Variants in ALCAM observed in about 807,000 individuals in gnomAD.
The protein encoded by ALCAM is CD166 antigen.
ALCAM carries 30 observed loss-of-function variants against 70.9 expected under a neutral mutation model. The ratio of observed to expected loss-of-function variants is 0.42; its 90% CI spans 0.32 to 0.57. ALCAM has a LOEUF of 0.57. Among genes scored for constraint, ALCAM ranks in the 20% least tolerant of loss-of-function variants. The pLI is 0.11. For synonymous variants in ALCAM, 249 were observed against 242.5 expected, an observed-to-expected ratio of 1.03 and a Z score of -0.25; for missense variants, 591 against 695.1, an observed-to-expected ratio of 0.85 and a Z score of 1.68.
chr3:105,385,518 C>T (rs374082066), intron 1 of ALCAM, among the ~76,000 whole-genome samples: 36 of 151,738 alleles, frequency 2.4e-4, no homozygotes, highest in African/African-American at 8.7e-4. Flanking sequence ...TTCTTTACTG[C>T]TTTGCCATGA....
chr3:105,539,974 G>C lies in ALCAM; in HGVS notation c.731-1G>C. Reference sequence around the variant, plus strand: ...TTAACTTGTGTCTGTAACTCTTACAGATCCTACAGAGCAGGTGACAATACA... The same window carrying C: ...TTAACTTGTGTCTGTAACTCTTACACATCCTACAGAGCAGGTGACAATACA... On this transcript the variant is annotated splice_acceptor_variant, in intron 6 of 15. Transcript: ENST00000306107. LOFTEE classifies it high-confidence loss of function. 3.1e-6 allele frequency: 5 copies of C among 1,611,530 alleles called. No individual in the cohort carries two copies. Among genetic ancestry groups the C allele is most frequent in the Non-Finnish European group, 3.4e-6 (4 of 1,178,392 alleles).
chr3:105,511,934 A>G (rs947703142), intron 1 of ALCAM, among the ~76,000 whole-genome samples: 4 of 151,972 alleles, frequency 2.6e-5, no homozygotes, highest in East Asian at 1.9e-4. Flanking sequence ...CACTACCTCA[A>G]TTATAACACA....
At chr3:105,473,875 AGTTTT>A (rs1938018368) in intron 1 of ALCAM, among the ~76,000 whole-genome samples, 1 of 149,654 alleles carries the variant, frequency 6.7e-6, no homozygotes, top group African/African-American at 2.4e-5. Flanking sequence ...AGAGCCAGAC[AGTTTT>A]GTTTTGTTTT....
intron 1 of ALCAM, among the ~76,000 whole-genome samples, chr3:105,396,172 G>A (rs557769087): frequency 3.3e-5 from 5 of 152,080 alleles, no homozygotes; most frequent in South Asian, 2.1e-4. Context: ...AGTTATAACC[G>A]TGGTGCTGAA....
intron 1 of ALCAM, among the ~76,000 whole-genome samples, chr3:105,455,046 G>T (rs1937516576): frequency 6.6e-6 from 1 of 152,112 alleles, no homozygotes; most frequent in African/African-American, 2.4e-5. Flanking sequence ...ATTACTGGAA[G>T]AGGTTAAGGC....
intron 1 of ALCAM, among the ~76,000 whole-genome samples, chr3:105,472,170 C>T (rs1937953379): frequency 6.6e-6 from 1 of 151,252 alleles, no homozygotes. Flanking sequence ...CTCATGTAGG[C>T]CTAGTTTTTT....
At chr3:105,376,293 T>G (rs1935377264) in intron 1 of ALCAM, among the ~76,000 whole-genome samples, 1 of 152,168 alleles carries the variant, frequency 6.6e-6, no homozygotes, top group South Asian at 2.1e-4. Flanking sequence ...GTTTAAGAGA[T>G]TACCTAAAAT....
chr3:105,384,195 T>C (rs1935594140), intron 1 of ALCAM, among the ~76,000 whole-genome samples: 1 of 151,694 alleles, frequency 6.6e-6, no homozygotes, highest in African/African-American at 2.4e-5. Flanking sequence ...ATTTGAATGA[T>C]GTTTCATTTT....
chr3:105,564,538 C>T (rs190519292), intron 14 of ALCAM, among the ~76,000 whole-genome samples: 341 of 152,206 alleles, frequency 2.2e-3, no homozygotes, highest in African/African-American at 7.6e-3. Context: ...GCATGTCTAC[C>T]GCCAGTAAAT....
At chr3:105,394,461 C>G (rs1413831397) in intron 1 of ALCAM, among the ~76,000 whole-genome samples, 1 of 151,976 alleles carries the variant, frequency 6.6e-6, no homozygotes, top group Non-Finnish European at 1.5e-5. Context: ...CTCTTTTCAA[C>G]AGGCCCATAG....
intron 1 of ALCAM, among the ~76,000 whole-genome samples, chr3:105,418,322 A>G (rs2007681): frequency 0.16 from 24,201 of 151,748 alleles, 2,201 homozygotes; most frequent in East Asian, 0.37. Context: ...AGTTTTTCAC[A>G]TGGGGTACTG....
intron 1 of ALCAM, among the ~76,000 whole-genome samples, chr3:105,403,627 A>G (rs1936147859): frequency 6.6e-6 from 1 of 152,084 alleles, no homozygotes; most frequent in Admixed American, 6.5e-5. Context: ...AGTCTACACC[A>G]ACGAAAAGGA....
intron 3 of ALCAM, among the ~76,000 whole-genome samples, chr3:105,530,941 T>C: frequency 6.6e-6 from 1 of 152,070 alleles, no homozygotes; most frequent in East Asian, 1.9e-4. Context: ...GTAATAATTA[T>C]ACAAAAGCCA....
chr3:105,531,945 A>G, intron 3 of ALCAM, 57 bp from the exon 4 acceptor site: 1 of 1,377,752 alleles, frequency 7.3e-7, no homozygotes, highest in Non-Finnish European at 1.0e-6. Flanking sequence ...GAATCAAATC[A>G]CAGAAGTCCC....
intron 1 of ALCAM, among the ~76,000 whole-genome samples, chr3:105,480,445 A>G (rs576284886): frequency 2.7e-4 from 41 of 152,112 alleles, no homozygotes; most frequent in Admixed American, 4.6e-4. Flanking sequence ...TTTGTGTGTC[A>G]GGTGTGTATG....
Position 105,575,162 on chromosome 3 carries a change from C to T in ALCAM, c.*711C>T, listed in dbSNP as rs765367096. On this transcript the variant is annotated 3_prime_UTR_variant, in exon 16 of 16. Transcript: ENST00000306107. ...ACAATTTTACCTATTCTGAAAAAGA[C>T]ATAAAACAGAATTTGGTAGCACTTA... is the stretch of plus-strand genomic sequence containing the variant. The T allele has an allele frequency of 1.2e-4, 18 of 152,540 alleles. No homozygotes were observed. The highest frequency in any genetic ancestry group is 2.4e-4 in the Non-Finnish European group (16 of 68,006). The allele number at this position is 152,540 out of a possible 1,614,324, so 9.4% of individuals were successfully genotyped here. A position where few individuals can be genotyped will look rare whatever the true frequency, so the allele number is the denominator to read the frequency against.
chr3:105,418,180 G>C (rs1936554987), intron 1 of ALCAM, among the ~76,000 whole-genome samples: 1 of 151,710 alleles, frequency 6.6e-6, no homozygotes, highest in Non-Finnish European at 1.5e-5. Flanking sequence ...TGAAAATCTT[G>C]TGTATTTTTA....
chr3:105,502,483 A>G (rs879774172), intron 1 of ALCAM, among the ~76,000 whole-genome samples: 3 of 152,180 alleles, frequency 2.0e-5, no homozygotes, highest in Non-Finnish European at 2.9e-5. Flanking sequence ...TGAGGAGAGT[A>G]CAGAAAAGCA....
At chr3:105,402,937 GC>G (rs1559779200) in intron 1 of ALCAM, among the ~76,000 whole-genome samples, 1 of 48,330 alleles carries the variant, frequency 2.1e-5, no homozygotes, top group African/African-American at 6.1e-5. Flanking sequence ...CAGCTGATGC[GC>G]TTTTTTTTTT....
Sources: allele counts gnomAD v4.1 joint callset (sites outside exome capture counted in the v4.1 genomes callset), GRCh38; gene constraint gnomAD v4.1.1; transcripts MANE v1.5; gene names NCBI Gene and HGNC (gene_info 2026-07-23, HGNC 2026-07-21).